The following CTNS variants were observed in gnomAD, a reference collection of about 807,000 sequenced individuals.
CTNS encodes the protein cystinosin.
A neutral mutation model predicts 43.7 loss-of-function variants in CTNS; 27 were observed. That is an observed-to-expected ratio of 0.62 (90% confidence interval 0.46 to 0.85). The LOEUF (loss-of-function observed/expected upper bound fraction) is 0.85. CTNS is among the 40% of genes least tolerant of loss of function. The pLI is 0.00. For synonymous variants in CTNS, 187 were observed against 190.6 expected (o/e 0.98, Z 0.16); for missense variants, 457 against 475.4 (o/e 0.96, Z 0.36).
At chr17:3,642,157 GT>G (rs2075735469) in intron 3 of CTNS, among the ~76,000 whole-genome samples, 1 of 151,272 alleles carries the variant, frequency 6.6e-6, no homozygotes, top group Non-Finnish European at 1.5e-5. Flanking sequence ...GTGTGTGTGT[GT>G]GTGTGTGCCC....
chr17:3,647,579 A>G, intron 4 of CTNS, 57 bp downstream of exon 4: 1 of 1,471,314 alleles, frequency 6.8e-7, no homozygotes, highest in Non-Finnish European at 9.5e-7. Context: ...CAGCTGGGTC[A>G]GGGCTGACCC....
intron 3 of CTNS, among the ~76,000 whole-genome samples, chr17:3,646,234 G>A (rs1173598551): frequency 6.6e-6 from 1 of 152,088 alleles, no homozygotes; most frequent in Non-Finnish European, 1.5e-5. Flanking sequence ...AGCACACAAA[G>A]AGAGGCTTAC....
chr17:3,656,559 C>G lies in CTNS; in HGVS notation c.534C>G (p.Ile178Met), dbSNP rs113967200. 19 of 1,610,592 alleles carry G rather than the reference C, an allele frequency of 1.2e-5. No individual in the cohort carries two copies. Among genetic ancestry groups the G allele is most frequent in the South Asian group, 7.7e-5 (7 of 90,840 alleles). ...TCGTGGCCTACAGTGTATTCAACATCGGCCTCCTCTGGGTGCCCTACATCA... is the reference window on the plus strand; with the variant it reads ...TCGTGGCCTACAGTGTATTCAACATGGGCCTCCTCTGGGTGCCCTACATCA... ...TGFVAYSVFNIGLLWVPYIKE... is the reference protein window; with the variant it reads ...TGFVAYSVFNMGLLWVPYIKE... Residue 178 changes from isoleucine to methionine, a missense_variant, in exon 8 of 12, where the codon ATC becomes ATG. By Grantham distance (10) the Ile-to-Met change is conservative. Transcript: ENST00000046640.
At chr17:3,656,846 C>A (rs761088992) in intron 9 of CTNS, 51 bp downstream of exon 9, 5 of 1,610,368 alleles carry the variant, frequency 3.1e-6, no homozygotes, top group Non-Finnish European at 4.2e-6. Flanking sequence ...CACCCGCCAC[C>A]CCACCTCACC....
At chr17:3,658,918 AAC>A (rs2076218525) in intron 10 of CTNS, among the ~76,000 whole-genome samples, 2 of 152,142 alleles carry the variant, frequency 1.3e-5, no homozygotes, top group African/African-American at 4.8e-5. Context: ...TGGCTGGTTG[AAC>A]AGTGTTGAGC....
intron 5 of CTNS, among the ~76,000 whole-genome samples, chr17:3,653,149 C>T (rs952601802): frequency 1.3e-5 from 2 of 152,190 alleles, no homozygotes; most frequent in Admixed American, 6.5e-5. Context: ...TGGTGGCTCA[C>T]GCCTGTAATC....
At position 3,660,870 on chromosome 17, in the gene CTNS, C is replaced by G. The variant is rs2076265804; in HGVS notation, c.*501C>G. 2 of 1,372,004 alleles carry G rather than the reference C, an allele frequency of 1.5e-6. No homozygotes were observed. Among genetic ancestry groups the G allele is most frequent in the South Asian group, 2.5e-5 (2 of 80,860 alleles). The allele number at this position is 1,372,004 out of a possible 1,614,324, so 85.0% of individuals were successfully genotyped here. On this transcript the variant is annotated 3_prime_UTR_variant, in exon 12 of 12. Coordinates refer to ENST00000046640, the MANE Select transcript of CTNS (RefSeq NM_004937.3). Reference sequence around the variant, plus strand: ...GACTTTGGGGTTAGGCCATGGGGCTCTTTCTCTGAAGGCCACTTTCCTGAC... The same window carrying G: ...GACTTTGGGGTTAGGCCATGGGGCTGTTTCTCTGAAGGCCACTTTCCTGAC...
intron 10 of CTNS, among the ~76,000 whole-genome samples, chr17:3,658,879 G>C (rs1321877913): frequency 6.6e-6 from 1 of 152,224 alleles, no homozygotes; most frequent in African/African-American, 2.4e-5. Context: ...AGAGGCTGGG[G>C]CGGGACACGG....
intron 5 of CTNS, chr17:3,650,155 C>T: frequency 6.5e-7 from 1 of 1,549,360 alleles, no homozygotes; most frequent in East Asian, 2.4e-5. Flanking sequence ...TTTTATTTGT[C>T]AATGATACCT....
At chr17:3,646,882 A>ACCCCGCAGATAGTCAGCCC (rs955813911) in intron 3 of CTNS, among the ~76,000 whole-genome samples, 1 of 152,022 alleles carries the variant, frequency 6.6e-6, no homozygotes, top group African/African-American at 2.4e-5. Flanking sequence ...CTCCTCCAGT[A>ACCCCGCAGATAGTCAGCCC]CCCCGCAGAT....
rs199824920 is a variant in CTNS at position 3,659,902 on chromosome 17, T to C, written c.897T>C (p.Ile299=). 65 of 1,613,992 alleles carry C rather than the reference T, an allele frequency of 4.0e-5. No individual in the cohort carries two copies. The Admixed American group carries it at 1.1e-3, about 27-fold the overall frequency. ...ACAAAAGCACTGAGGGCTGGAGCAT[T>C]GGCAACGTGCTCCTGGACTTCACCG... ...FYYKSTEGWS[I]GNVLLDFTGG... is the part of the protein sequence containing the mutation. Residue 299 remains isoleucine, a synonymous_variant, in exon 11 of 12, where the codon ATT becomes ATC. Transcript: ENST00000046640.
intron 5 of CTNS, among the ~76,000 whole-genome samples, chr17:3,653,097 C>T (rs1426436774): frequency 6.6e-6 from 1 of 151,896 alleles, no homozygotes; most frequent in African/African-American, 2.4e-5. Context: ...TGCACTACAG[C>T]CTGAGCTACA....
Position 3,656,585 on chromosome 17 carries a change from AG to A in CTNS, c.561+1del, listed in dbSNP as rs786204667. 1.9e-6 allele frequency: 3 copies of A among 1,611,300 alleles called. No individual in the cohort carries two copies. Among genetic ancestry groups the A allele is most frequent in the Non-Finnish European group, 1.7e-6 (2 of 1,179,320 alleles). On this transcript the variant is annotated frameshift_variant and splice_region_variant, in exon 8 of 12. Coordinates refer to ENST00000046640, the MANE Select transcript of CTNS (RefSeq NM_004937.3). LOFTEE classifies it high-confidence loss of function. Reference protein sequence around the residue: ...NIGLLWVPYIKEQFLLKYPNG... With the variant: ...NIGLLWVPYIXEQFLLKYPNG... Reference sequence around the variant, plus strand: ...GGCCTCCTCTGGGTGCCCTACATCAAGGTACGGCCTTGCCTGCCCTACATCT... The same window carrying A: ...GGCCTCCTCTGGGTGCCCTACATCAAGTACGGCCTTGCCTGCCCTACATCT...
At chr17:3,658,971 G>C (rs372195263) in intron 10 of CTNS, among the ~76,000 whole-genome samples, 496 of 95,836 alleles carry the variant, frequency 5.2e-3, no homozygotes, top group Admixed American at 8.2e-3. Context: ...CCGGGAGCTG[G>C]GGGGGGCTTC....
chr17:3,637,979 G>A (rs978664969), intron 2 of CTNS, among the ~76,000 whole-genome samples: 1 of 152,202 alleles, frequency 6.6e-6, no homozygotes, highest in Non-Finnish European at 1.5e-5. Flanking sequence ...TCGTAGAACA[G>A]AGGACAGGAC....
chr17:3,660,903 C>G lies in CTNS; in HGVS notation c.*534C>G, dbSNP rs773041146. On this transcript the variant is annotated 3_prime_UTR_variant, in exon 12 of 12. Transcript: ENST00000046640. Reference sequence around the variant, plus strand: ...GAAGGCCACTTTCCTGACGTACTCTCTGTACATAACTCAGCGTCCGTGACT... The same window carrying G: ...GAAGGCCACTTTCCTGACGTACTCTGTGTACATAACTCAGCGTCCGTGACT... 5 of 983,936 alleles carry G rather than the reference C, an allele frequency of 5.1e-6. No individual in the cohort carries two copies. Among genetic ancestry groups the G allele is most frequent in the South Asian group, 1.5e-5 (1 of 68,924 alleles). The allele number at this position is 983,936 out of a possible 1,614,324, so 61.0% of individuals were successfully genotyped here. A position where few individuals can be genotyped will look rare whatever the true frequency, so the allele number is the denominator to read the frequency against.
At chr17:3,654,908 C>T (rs1470598692) in intron 5 of CTNS, 90 bp from the exon 6 acceptor site, 13 of 936,350 alleles carry the variant, frequency 1.4e-5, no homozygotes, top group East Asian at 7.2e-5. Context: ...TGCGTCCCTC[C>T]GTTCCCTAGC....
chr17:3,649,018 A>C, intron 5 of CTNS, 87 bp downstream of exon 5: 1 of 1,137,318 alleles, frequency 8.8e-7, no homozygotes, highest in Non-Finnish European at 1.3e-6. Context: ...CAGGTCTCCT[A>C]GGCGGCCCCT....
At chr17:3,650,297 C>T (rs1422471173) in intron 5 of CTNS, 1 of 1,549,760 alleles carries the variant, frequency 6.5e-7, no homozygotes, top group East Asian at 2.4e-5. Context: ...CGATCAGTCT[C>T]CAGCATGTGG....
Sources: gnomAD v4.1 joint callset for allele counts (sites outside exome capture counted in the v4.1 genomes callset) on GRCh38, gnomAD v4.1.1 for gene constraint, MANE v1.5 for transcripts, NCBI Gene and HGNC (gene_info 2026-07-23, HGNC 2026-07-21) for gene names.